EFCAB6: variants seen among roughly 807,000 people sequenced by gnomAD.
EFCAB6 encodes the protein EF-hand calcium binding domain 6.
EFCAB6 carries 156 observed loss-of-function variants against 169.8 expected under a neutral mutation model. The observed-to-expected ratio is 0.92, with a 90% CI of 0.81 to 1.05. The LOEUF (loss-of-function observed/expected upper bound fraction) is 1.05. Among genes scored for constraint, EFCAB6 ranks in the 50% least tolerant of loss-of-function variants. The pLI, the probability that EFCAB6 is intolerant of heterozygous loss-of-function variation, is 0.00. For synonymous variants in EFCAB6, 698 were observed against 676.4 expected (o/e 1.03, Z -0.50); for missense variants, 1,800 against 1,829.1 (o/e 0.98, Z 0.29).
chr22:43,627,061 T>A (rs1444577503), intron 19 of EFCAB6, among the ~76,000 whole-genome samples: 1 of 152,204 alleles, frequency 6.6e-6, no homozygotes, highest in East Asian at 1.9e-4. Context: ...TTTCATAATG[T>A]CTGGCTGCTT....
chr22:43,752,110 C>T (rs1265573192), intron 6 of EFCAB6, among the ~76,000 whole-genome samples: 1 of 132,354 alleles, frequency 7.6e-6, no homozygotes, highest in African/African-American at 2.8e-5. Context: ...ACCACTTCTC[C>T]TTTCCATTTT....
chr22:43,685,388 T>C (rs1158310512), intron 11 of EFCAB6, among the ~76,000 whole-genome samples: 1 of 152,086 alleles, frequency 6.6e-6, no homozygotes, highest in Admixed American at 6.5e-5. Flanking sequence ...CACCATCCAA[T>C]CAGCTGGGAG....
At chr22:43,542,794 C>T (rs2047817774) in intron 27 of EFCAB6, among the ~76,000 whole-genome samples, 1 of 152,058 alleles carries the variant, frequency 6.6e-6, no homozygotes, top group South Asian at 2.1e-4. Flanking sequence ...AAGGGCACAA[C>T]GAGGCTGGAC....
intron 20 of EFCAB6, among the ~76,000 whole-genome samples, chr22:43,624,141 C>T (rs935523656): frequency 6.6e-6 from 1 of 152,016 alleles, no homozygotes; most frequent in African/African-American, 2.4e-5. Flanking sequence ...GCTGGGAATG[C>T]CTCCTTTCAA....
At position 43,795,663 on chromosome 22, in the gene EFCAB6, A is replaced by AAATTATGAACTCCATTAT; in HGVS notation, c.-8+13314_-8+13331dup. ...ACTTCGCATTACACTTTTAGTTGGG[A>AAATTATGAACTCCATTAT]AATTATGAACTCCATTATAAGCTCC... On this transcript the variant is annotated intron_variant, in intron 2 of 31. Transcript: ENST00000262726. The surrounding 1 kb of genome is among the most constrained non-coding windows in gnomAD (Gnocchi z 4.2). Among the ~76,000 whole-genome samples the AAATTATGAACTCCATTAT allele has an allele frequency of 6.6e-6, 1 of 152,148 alleles. No homozygotes were observed. The highest frequency in any genetic ancestry group is 6.5e-5 in the Admixed American group (1 of 15,278).
intron 25 of EFCAB6, among the ~76,000 whole-genome samples, chr22:43,578,858 C>G (rs1009300071): frequency 4.0e-5 from 6 of 150,246 alleles, no homozygotes; most frequent in Non-Finnish European, 7.4e-5. Flanking sequence ...AGGCATCATT[C>G]CCTACACGCA....
intron 8 of EFCAB6, among the ~76,000 whole-genome samples, chr22:43,723,866 C>T (rs1431299657): frequency 1.3e-5 from 2 of 152,224 alleles, no homozygotes; most frequent in Non-Finnish European, 2.9e-5. Flanking sequence ...GGAGATGGCC[C>T]TGGGCAGCAA....
intron 5 of EFCAB6, chr22:43,759,412 C>T (rs985221675): frequency 3.9e-5 from 6 of 152,166 alleles, no homozygotes; most frequent in Non-Finnish European, 8.8e-5. Context: ...GTTTTGTACA[C>T]GAACGATTGT....
rs538167620 is a variant in EFCAB6 at position 43,697,560 on chromosome 22, CATAA to C, written c.1032-9983_1032-9980del. On this transcript the variant is annotated intron_variant, in intron 10 of 31. Transcript: ENST00000262726. ...CAGTTTCCATGGCTTTTATAATCAG[CATAA>C]ATAAACATAATTTTCAAAAATAAAA... 4.4e-3 allele frequency among the ~76,000 whole-genome samples: 666 copies of C among 152,110 alleles called. 2 individuals are homozygous for C. Among genetic ancestry groups the C allele is most frequent in the Middle Eastern group, 0.027 (8 of 294 alleles).
At chr22:43,764,476 T>C (rs1398172804) in intron 5 of EFCAB6, among the ~76,000 whole-genome samples, 2 of 152,210 alleles carry the variant, frequency 1.3e-5, no homozygotes. Flanking sequence ...ATGTCTTTGC[T>C]ACTGTGACTA....
In EFCAB6 at chr22:43,667,162, CG is replaced by C; in HGVS notation, c.1924del (p.Arg642AspfsTer37). The C allele has an allele frequency of 1.2e-6, 2 of 1,614,068 alleles. No homozygotes were observed. The highest frequency in any genetic ancestry group is 1.7e-6 in the Non-Finnish European group (2 of 1,179,992). On this transcript the variant is annotated frameshift_variant, in exon 17 of 32. Coordinates refer to ENST00000262726, the MANE Select transcript of EFCAB6 (RefSeq NM_022785.4). LOFTEE classifies it high-confidence loss of function. ...AGGCTCCTTGCTGAAGTCAAGAAAT[CG>C]TTTTTTGAATGCCGGGTCCTGCTGC... ...IQQQDPAFKK[R>X]FLDFSKEPNG...
At chr22:43,563,875 C>A (rs1159653109) in intron 26 of EFCAB6, among the ~76,000 whole-genome samples, 1 of 152,230 alleles carries the variant, frequency 6.6e-6, no homozygotes, top group Non-Finnish European at 1.5e-5. Context: ...GTCATAGGAG[C>A]CCAGGCACAC....
chr22:43,747,560 G>A (rs199992737), intron 6 of EFCAB6, among the ~76,000 whole-genome samples: 1 of 152,174 alleles, frequency 6.6e-6, no homozygotes, highest in East Asian at 1.9e-4. Flanking sequence ...GAGGAAGACT[G>A]TTAGCTCACT....
chr22:43,600,960 G>A (rs922710856), intron 22 of EFCAB6, among the ~76,000 whole-genome samples: 5 of 152,112 alleles, frequency 3.3e-5, no homozygotes, highest in African/African-American at 7.2e-5. Context: ...GCCACACCTC[G>A]CCCGTTCGGC....
intron 13 of EFCAB6, among the ~76,000 whole-genome samples, chr22:43,676,018 A>G (rs1486754041): frequency 1.3e-5 from 2 of 151,992 alleles, no homozygotes; most frequent in Admixed American, 6.6e-5. Context: ...ACTCTTAGAT[A>G]CCACTGAAAA....
intron 24 of EFCAB6, among the ~76,000 whole-genome samples, chr22:43,589,841 G>A (rs986174837): frequency 1.3e-5 from 2 of 152,138 alleles, no homozygotes; most frequent in African/African-American, 4.8e-5. Flanking sequence ...GTTAAGAAAT[G>A]GTGGCACTGC....
In EFCAB6 at chr22:43,528,848, G is replaced by A; in HGVS notation, c.*5C>T. On this transcript the variant is annotated 3_prime_UTR_variant, in exon 32 of 32. Coordinates refer to ENST00000262726, the MANE Select transcript of EFCAB6 (RefSeq NM_022785.4). ...GTCGTCCCGCTGGGCACACAGCAGG[G>A]GTGTCTACTGGAGGAATGCCCGGAG... 6.2e-7 allele frequency: 1 copy of A among 1,601,300 alleles called. No homozygotes were observed. The highest frequency in any genetic ancestry group is 1.1e-5 in the South Asian group (1 of 90,480).
chr22:43,549,162 AAAG>A (rs1291373268), intron 27 of EFCAB6, among the ~76,000 whole-genome samples: 3 of 152,306 alleles, frequency 2.0e-5, no homozygotes, highest in African/African-American at 4.8e-5. Context: ...CTCATTAAGA[AAAG>A]AAGAACAGCT....
At chr22:43,547,234 C>G (rs892107474) in intron 27 of EFCAB6, among the ~76,000 whole-genome samples, 1 of 152,128 alleles carries the variant, frequency 6.6e-6, no homozygotes, top group Admixed American at 6.5e-5. Flanking sequence ...TAAGGGAAAT[C>G]AGTAGGGCCG....
Sources: gnomAD v4.1 joint callset for allele counts (sites outside exome capture counted in the v4.1 genomes callset) on GRCh38, gnomAD v4.1.1 for gene constraint, Gnocchi (gnomAD v3.1) non-coding constraint, MANE v1.5 for transcripts, NCBI Gene and HGNC (gene_info 2026-07-23, HGNC 2026-07-21) for gene names.